The following TAFA2 variants were observed in gnomAD, a reference collection of about 807,000 sequenced individuals.
TAFA2 encodes the protein chemokine-like protein TAFA-2.
Under a neutral mutation model 18.8 loss-of-function variants are expected in TAFA2, and 7 were observed. The ratio of observed to expected loss-of-function variants is 0.37; its 90% CI spans 0.21 to 0.70. The LOEUF (loss-of-function observed/expected upper bound fraction) is 0.70. TAFA2 is among the 30% of genes least tolerant of loss of function. The probability of loss-of-function intolerance (pLI) is 0.53; values close to 1 mark genes in which losing one functional copy is unlikely to be tolerated. For synonymous variants in TAFA2, 60 were observed against 54.2 expected (o/e 1.11, Z -0.47); for missense variants, 122 against 158.1 (o/e 0.77, Z 1.23).
chr12:61,841,098 G>A (rs117625930), intron 2 of TAFA2, among the ~76,000 whole-genome samples: 1,631 of 151,898 alleles, frequency 0.011, 42 homozygotes, highest in East Asian at 0.1. Context: ...GCAAGAGGCC[G>A]GACAATGGTC....
At position 62,036,099 on chromosome 12, in the gene TAFA2, G is replaced by C. The variant is rs77149558; in HGVS notation, c.-2+155160C>G. ...CTGTAGCAGGCTAAGCAGCATCCTT[G>C]ACCTCCACCCACTAGGTGCCAATAG... On this transcript the variant is annotated intron_variant, in intron 1 of 4. Transcript: ENST00000416284. 5.9e-5 allele frequency among the ~76,000 whole-genome samples: 9 copies of C among 152,126 alleles called. No homozygotes were observed. The East Asian group carries it at 1.7e-3, about 30-fold the overall frequency.
At chr12:62,105,822 G>T (rs1401557504) in intron 1 of TAFA2, among the ~76,000 whole-genome samples, 2 of 152,102 alleles carry the variant, frequency 1.3e-5, no homozygotes, top group Non-Finnish European at 2.9e-5. Context: ...AGTCAGAAGG[G>T]GATAATGCAG....
intron 4 of TAFA2, among the ~76,000 whole-genome samples, chr12:61,718,774 T>A (rs1011603235): frequency 3.9e-5 from 6 of 152,190 alleles, no homozygotes; most frequent in African/African-American, 1.4e-4. Context: ...GAAGAGTAAT[T>A]TGAATTGATA....
At chr12:62,248,473 T>C (rs1565787996) in intron 1 of TAFA2, among the ~76,000 whole-genome samples, 3 of 152,220 alleles carry the variant, frequency 2.0e-5, no homozygotes, top group Non-Finnish European at 1.5e-5. Flanking sequence ...GCTGTCTCCT[T>C]CTCTATCACT....
chr12:62,103,863 A>C (rs1869321800), intron 1 of TAFA2, among the ~76,000 whole-genome samples: 1 of 152,222 alleles, frequency 6.6e-6, no homozygotes, highest in African/African-American at 2.4e-5. Flanking sequence ...CTAATTATTC[A>C]GGCATTGCTC....
intron 1 of TAFA2, among the ~76,000 whole-genome samples, chr12:62,011,751 T>TAAAAAAAAAAAA (rs202026493): frequency 4.9e-5 from 5 of 102,870 alleles, no homozygotes; most frequent in Admixed American, 8.9e-5. Context: ...CAATAAATAC[T>TAAAAAAAAAAAA]AAAAAAAAAA....
At chr12:61,938,273 G>A (rs1185463824) in intron 1 of TAFA2, among the ~76,000 whole-genome samples, 1 of 150,032 alleles carries the variant, frequency 6.7e-6, no homozygotes, top group East Asian at 1.9e-4. Flanking sequence ...TATATTGCTG[G>A]TGGGAACATA....
intron 2 of TAFA2, among the ~76,000 whole-genome samples, chr12:61,852,899 A>G (rs1873733538): frequency 6.6e-6 from 1 of 152,242 alleles, no homozygotes; most frequent in Non-Finnish European, 1.5e-5. Flanking sequence ...GTATACTACA[A>G]GAGTGTGAGA....
chr12:61,808,140 G>A lies in TAFA2; in HGVS notation c.107-53116C>T, dbSNP rs547018208. On this transcript the variant is annotated intron_variant, in intron 2 of 4. Coordinates refer to ENST00000416284, the MANE Select transcript of TAFA2 (RefSeq NM_178539.5). ...CTCATCTTGAATTCCCACGTTGTGG[G>A]AGGGACCCAGTGAAAGGTAATTGAA... Among the ~76,000 whole-genome samples the A allele has an allele frequency of 8.6e-5, 13 of 151,692 alleles. No individual in the cohort carries two copies. In the South Asian group the frequency reaches 2.7e-3, roughly 31 times the overall value.
At chr12:61,839,233 G>C (rs1239364179) in intron 2 of TAFA2, among the ~76,000 whole-genome samples, 1 of 151,968 alleles carries the variant, frequency 6.6e-6, no homozygotes, top group African/African-American at 2.4e-5. Flanking sequence ...TTTTTCAGTG[G>C]GCAGACAAAG....
intron 4 of TAFA2, among the ~76,000 whole-genome samples, chr12:61,733,547 T>G (rs1415812611): frequency 2.0e-5 from 3 of 149,706 alleles, no homozygotes; most frequent in African/African-American, 7.3e-5. Context: ...CCCCATTGCT[T>G]GTTTTTGTCA....
chr12:62,120,524 C>A (rs990054730), intron 1 of TAFA2, among the ~76,000 whole-genome samples: 2 of 152,192 alleles, frequency 1.3e-5, no homozygotes, highest in African/African-American at 4.8e-5. Flanking sequence ...TTGATGAAGA[C>A]TTTTCTCCAA....
chr12:62,217,821 T>A (rs1266837122), intron 1 of TAFA2, among the ~76,000 whole-genome samples: 1 of 152,184 alleles, frequency 6.6e-6, no homozygotes, highest in Admixed American at 6.5e-5. Context: ...CATCTTAGAA[T>A]CTTTTTTCCC....
At chr12:61,876,099 T>C (rs919659663) in intron 1 of TAFA2, among the ~76,000 whole-genome samples, 3 of 152,192 alleles carry the variant, frequency 2.0e-5, no homozygotes, top group Non-Finnish European at 4.4e-5. Context: ...ATTTTCTTTC[T>C]TTTTTAATAA....
chr12:61,750,888 C>T (rs1456713448), intron 4 of TAFA2, among the ~76,000 whole-genome samples: 2 of 152,210 alleles, frequency 1.3e-5, no homozygotes, highest in African/African-American at 2.4e-5. Context: ...TATTTTGTAA[C>T]CTATTCCTAC....
At chr12:62,121,523 T>G (rs895676456) in intron 1 of TAFA2, among the ~76,000 whole-genome samples, 12 of 152,200 alleles carry the variant, frequency 7.9e-5, no homozygotes, top group Admixed American at 7.2e-4. Context: ...TTTTAAACTA[T>G]AACGTGATCT....
At chr12:62,094,667 T>C (rs9739766) in intron 1 of TAFA2, among the ~76,000 whole-genome samples, 28,234 of 151,914 alleles carry the variant, frequency 0.19, 2,875 homozygotes, top group East Asian at 0.39. Flanking sequence ...CAGATACTTC[T>C]AAACACATTA....
At chr12:61,869,307 G>C (rs1248199956) in intron 1 of TAFA2, among the ~76,000 whole-genome samples, 2 of 152,166 alleles carry the variant, frequency 1.3e-5, no homozygotes, top group East Asian at 3.9e-4. Flanking sequence ...GTAAGACGAA[G>C]ATAATAATAT....
chr12:62,109,830 T>C (rs1869639148), intron 1 of TAFA2, among the ~76,000 whole-genome samples: 1 of 152,212 alleles, frequency 6.6e-6, no homozygotes, highest in South Asian at 2.1e-4. Flanking sequence ...ATTGATTTTG[T>C]ATCCTGAGAC....
Sources: allele counts gnomAD v4.1 joint callset (sites outside exome capture counted in the v4.1 genomes callset), GRCh38; gene constraint gnomAD v4.1.1; transcripts MANE v1.5; gene names NCBI Gene and HGNC (gene_info 2026-07-23, HGNC 2026-07-21).